Variants in EPHA3 observed in about 807,000 individuals in gnomAD.
The protein encoded by EPHA3 is EPH receptor A3, also known as ephrin type-A receptor 3.
A neutral mutation model predicts 107.1 loss-of-function variants in EPHA3; 42 were observed. That is an observed-to-expected ratio of 0.39 (90% CI 0.31 to 0.51). EPHA3 has a LOEUF of 0.51. Ranked by LOEUF, EPHA3 falls within the 20% of genes least tolerant of loss-of-function variation. The pLI is 0.78. For synonymous variants in EPHA3, 461 were observed against 424.8 expected (o/e 1.09, Z -1.05); for missense variants, 1,183 against 1,211.2 (o/e 0.98, Z 0.35).
intron 3 of EPHA3, among the ~76,000 whole-genome samples, chr3:89,224,186 T>C (rs1704447157): frequency 6.6e-6 from 1 of 151,940 alleles, no homozygotes; most frequent in African/African-American, 2.4e-5. Context: ...ATTTCAGAGA[T>C]TTATAGCATC....
Position 89,347,999 on chromosome 3 carries a change from C to T in EPHA3, c.1306+5909C>T, listed in dbSNP as rs1170870714. On this transcript the variant is annotated intron_variant, in intron 5 of 16. Transcript: ENST00000336596. The stretch of plus-strand genomic sequence containing the variant: ...CATGGTGGATAAGCTTTTTGATGTG[C>T]TGCTGGATTCGATTTGCCAGTATTT... Among the ~76,000 whole-genome samples the T allele has an allele frequency of 3.3e-5, 5 of 150,704 alleles. 1 individual carries two copies. Among genetic ancestry groups the T allele is most frequent in the Non-Finnish European group, 7.4e-5 (5 of 67,368 alleles).
At chr3:89,208,746 G>A (rs373555493) in intron 2 of EPHA3, among the ~76,000 whole-genome samples, 7 of 152,054 alleles carry the variant, frequency 4.6e-5, no homozygotes, top group East Asian at 1.9e-4. Flanking sequence ...TACTTATCTC[G>A]ATTCAAACAC....
chr3:89,330,918 T>C (rs776577902), intron 3 of EPHA3, among the ~76,000 whole-genome samples: 1 of 152,124 alleles, frequency 6.6e-6, no homozygotes, highest in Non-Finnish European at 1.5e-5. Context: ...CTGTCAATTA[T>C]AAATTTCCTC....
At chr3:89,380,728 G>A (rs1708484531) in intron 5 of EPHA3, among the ~76,000 whole-genome samples, 1 of 149,916 alleles carries the variant, frequency 6.7e-6, no homozygotes, top group Admixed American at 6.7e-5. Context: ...ACTTGTAAGT[G>A]TACTATAAAC....
At chr3:89,400,049 CT>C (rs35658959) in intron 7 of EPHA3, 5 of 1,032,454 alleles carry the variant, frequency 4.8e-6, no homozygotes, top group Admixed American at 5.7e-5. Flanking sequence ...AGTAACTTTT[CT>C]TTTTTTCAAA....
chr3:89,419,176 C>A, intron 10 of EPHA3, 29 bp from the exon 11 acceptor site: 3 of 1,535,718 alleles, frequency 2.0e-6, no homozygotes, highest in Non-Finnish European at 1.7e-6. Context: ...GAATTCCTTA[C>A]ATTTTGTTGC....
At chr3:89,328,777 T>C (rs1393331845) in intron 3 of EPHA3, among the ~76,000 whole-genome samples, 4 of 152,164 alleles carry the variant, frequency 2.6e-5, no homozygotes, top group Admixed American at 2.6e-4. Context: ...CAGTCTCACA[T>C]AATTGTTATG....
chr3:89,146,138 A>AT (rs753880208), intron 2 of EPHA3, among the ~76,000 whole-genome samples: 9 of 151,648 alleles, frequency 5.9e-5, no homozygotes, highest in Non-Finnish European at 1.0e-4. Flanking sequence ...GTATGATGAA[A>AT]TCTCTCTCTG....
intron 3 of EPHA3, among the ~76,000 whole-genome samples, chr3:89,278,594 G>A (rs1371330332): frequency 6.6e-6 from 1 of 152,058 alleles, no homozygotes; most frequent in Non-Finnish European, 1.5e-5. Flanking sequence ...ATGCGCAATG[G>A]CCTATTTTGT....
At chr3:89,219,232 C>T (rs979962186) in intron 3 of EPHA3, among the ~76,000 whole-genome samples, 3 of 151,794 alleles carry the variant, frequency 2.0e-5, no homozygotes, top group East Asian at 1.9e-4. Flanking sequence ...GGCAGGATCT[C>T]GGCTCACCGC....
intron 3 of EPHA3, among the ~76,000 whole-genome samples, chr3:89,319,582 A>C (rs1396444396): frequency 6.6e-6 from 1 of 151,834 alleles, no homozygotes; most frequent in Non-Finnish European, 1.5e-5. Flanking sequence ...TGGTGAAAAA[A>C]CTGAAGCTCA....
intron 1 of EPHA3, among the ~76,000 whole-genome samples, chr3:89,125,444 TATA>T (rs1704073176): frequency 6.6e-6 from 1 of 151,732 alleles, no homozygotes; most frequent in Admixed American, 6.6e-5. Flanking sequence ...TTATCTGAAA[TATA>T]ATCTATAACA....
chr3:89,163,177 T>C (rs1458637916), intron 2 of EPHA3, among the ~76,000 whole-genome samples: 2 of 152,194 alleles, frequency 1.3e-5, no homozygotes, highest in Admixed American at 1.3e-4. Flanking sequence ...CAGTTTCTTC[T>C]TCTATAATAT....
rs531787198 is a variant in EPHA3, at chr3:89,369,347, G to A, written c.1307-26490G>A. Reference sequence around the variant, plus strand: ...ACAGAGCCCTCAGAAATAATGCCACGTATCTACAACTATCTGATCTTTGAC... The same window carrying A: ...ACAGAGCCCTCAGAAATAATGCCACATATCTACAACTATCTGATCTTTGAC... On this transcript the variant is annotated intron_variant, in intron 5 of 16. Coordinates refer to ENST00000336596, the MANE Select transcript of EPHA3 (RefSeq NM_005233.6). 1.3e-3 allele frequency among the ~76,000 whole-genome samples: 198 copies of A among 150,408 alleles called. 6 individuals are homozygous for A. The highest frequency in any genetic ancestry group is 6.6e-3 in the East Asian group (34 of 5,118).
At chr3:89,395,378 T>G (rs115396342) in intron 5 of EPHA3, among the ~76,000 whole-genome samples, 1,719 of 152,322 alleles carry the variant, frequency 0.011, 38 homozygotes, top group African/African-American at 0.039. Flanking sequence ...TGGGACTCCT[T>G]GTGCATAATG....
At chr3:89,213,176 G>A (rs1704145747) in intron 3 of EPHA3, among the ~76,000 whole-genome samples, 1 of 151,974 alleles carries the variant, frequency 6.6e-6, no homozygotes, top group Non-Finnish European at 1.5e-5. Context: ...ACTGCAAGGT[G>A]CTCATGAGTG....
intron 5 of EPHA3, among the ~76,000 whole-genome samples, chr3:89,345,925 G>C (rs1442412849): frequency 1.4e-5 from 2 of 147,048 alleles, no homozygotes; most frequent in Non-Finnish European, 3.0e-5. Context: ...TTTCATCCAT[G>C]TCCCTACAAA....
intron 1 of EPHA3, among the ~76,000 whole-genome samples, chr3:89,111,388 T>C (rs1013898623): frequency 6.6e-6 from 1 of 152,110 alleles, no homozygotes; most frequent in African/African-American, 2.4e-5. Context: ...TTATAAGTTT[T>C]TTTGGTTTGG....
At chr3:89,368,495 G>T (rs1311052335) in intron 5 of EPHA3, among the ~76,000 whole-genome samples, 2 of 150,452 alleles carry the variant, frequency 1.3e-5, no homozygotes, top group Non-Finnish European at 3.0e-5. Flanking sequence ...TCAGTCTGAG[G>T]CCAAAGGCTT....
Sources: allele counts gnomAD v4.1 joint callset (sites outside exome capture counted in the v4.1 genomes callset), GRCh38; gene constraint gnomAD v4.1.1; transcripts MANE v1.5; gene names NCBI Gene and HGNC (gene_info 2026-07-23, HGNC 2026-07-21).